ZNF385D: variants seen among roughly 807,000 people sequenced by gnomAD.
ZNF385D encodes zinc finger protein 659.
A neutral mutation model predicts 35.8 loss-of-function variants in ZNF385D; 15 were observed. The observed-to-expected ratio is 0.42, with a 90% CI of 0.28 to 0.64. ZNF385D has a LOEUF of 0.64. Ranked by LOEUF, ZNF385D falls within the 30% of genes least tolerant of loss-of-function variation. The pLI is 0.23. For missense variants in ZNF385D, 474 were observed against 494.6 expected, an observed-to-expected ratio of 0.96 and a Z score of 0.39; for synonymous variants, 212 against 186.8, an observed-to-expected ratio of 1.13 and a Z score of -1.10.
intron 2 of ZNF385D, among the ~76,000 whole-genome samples, chr3:22,358,930 T>C (rs775875083): frequency 1.3e-4 from 20 of 151,476 alleles, no homozygotes; most frequent in Non-Finnish European, 1.9e-4. Context: ...TGTCTAGATA[T>C]CATAACCCTA....
In ZNF385D at chr3:22,338,698, A is replaced by ATTTT. The variant is rs562729331; in HGVS notation, c.106+33748_106+33751dup. Among the ~76,000 whole-genome samples, 180 of 125,410 alleles carry ATTTT rather than the reference A, an allele frequency of 1.4e-3. 2 individuals are homozygous for ATTTT. The highest frequency in any genetic ancestry group is 5.3e-3 in the African/African-American group (170 of 31,808). 82.3% of individuals were successfully genotyped at this position (125,410 alleles called of 152,430 possible). A position where few individuals can be genotyped will look rare whatever the true frequency, so the allele number is the denominator to read the frequency against. Reference sequence around the variant, plus strand: ...ATGTGCAGCAAAACATATTCATCTCATTTTTTTTTTTTTTTTTTTTGAAGT... The same window carrying ATTTT: ...ATGTGCAGCAAAACATATTCATCTCATTTTTTTTTTTTTTTTTTTTTTTTGAAGT... On this transcript the variant is annotated intron_variant, in intron 2 of 5. Transcript: ENST00000494108.
chr3:21,938,217 C>G (rs1575960769), intron 3 of ZNF385D, among the ~76,000 whole-genome samples: 1 of 152,250 alleles, frequency 6.6e-6, no homozygotes, highest in Non-Finnish European at 1.5e-5. Context: ...TAGGTTTTGA[C>G]CCTATAGTTA....
At chr3:22,186,823 T>C (rs1271952596) in intron 2 of ZNF385D, among the ~76,000 whole-genome samples, 1 of 152,190 alleles carries the variant, frequency 6.6e-6, no homozygotes, top group African/African-American at 2.4e-5. Context: ...CATAATCAAC[T>C]GGTATTTTAT....
At position 22,341,998 on chromosome 3, in the gene ZNF385D, G is replaced by A. The variant is rs978954637; in HGVS notation, c.106+30452C>T. On this transcript the variant is annotated intron_variant, in intron 2 of 5. Transcript: ENST00000494108. Reference sequence around the variant, plus strand: ...ATGAATTAAAAGACTGAATGAGGCCGGGCGCGGTGGCTCACGTCTGTAATC... The same window carrying A: ...ATGAATTAAAAGACTGAATGAGGCCAGGCGCGGTGGCTCACGTCTGTAATC... Among the ~76,000 whole-genome samples, 12 of 152,192 alleles carry A rather than the reference G, an allele frequency of 7.9e-5. No homozygotes were observed. In the South Asian group the frequency reaches 1.0e-3, roughly 13 times the overall value.
chr3:22,279,129 G>A (rs1217160333), intron 2 of ZNF385D, among the ~76,000 whole-genome samples: 1 of 151,912 alleles, frequency 6.6e-6, no homozygotes, highest in East Asian at 1.9e-4. Flanking sequence ...ATTTCAATAG[G>A]TTTTGGGGGA....
Position 21,418,797 on chromosome 3 carries a change from T to A in ZNF385D, c.*2417A>T, listed in dbSNP as rs1252199653. On this transcript the variant is annotated 3_prime_UTR_variant, in exon 8 of 8. Coordinates refer to ENST00000281523, the MANE Select transcript of ZNF385D (RefSeq NM_024697.3). ...AGTGAGGCTGTATCAGTTGTAAAGG[T>A]TGTTGGATAGGGACTCAGGATGATT... 6.6e-6 allele frequency: 1 copy of A among 152,150 alleles called. No homozygotes were observed. The highest frequency in any genetic ancestry group is 2.4e-5 in the African/African-American group (1 of 41,444). 9.4% of individuals were successfully genotyped at this position (152,150 alleles called of 1,614,324 possible). A position where few individuals can be genotyped will look rare whatever the true frequency, so the allele number is the denominator to read the frequency against.
intron 3 of ZNF385D, among the ~76,000 whole-genome samples, chr3:21,971,604 C>T (rs1703261722): frequency 6.6e-6 from 1 of 151,362 alleles, no homozygotes; most frequent in African/African-American, 2.4e-5. Flanking sequence ...AAGAGTAAGT[C>T]CTTACTCATC....
chr3:22,031,817 A>G (rs1446204321), intron 3 of ZNF385D, among the ~76,000 whole-genome samples: 7 of 152,148 alleles, frequency 4.6e-5, no homozygotes, highest in Non-Finnish European at 1.0e-4. Context: ...CCAAACTTTT[A>G]TGTTCTGCTT....
intron 2 of ZNF385D, among the ~76,000 whole-genome samples, chr3:21,585,731 G>T (rs976603604): frequency 6.6e-6 from 1 of 152,068 alleles, no homozygotes; most frequent in African/African-American, 2.4e-5. Context: ...TGCATAACAC[G>T]CCTTGGCAAA....
chr3:22,248,097 A>C (rs1699883614), intron 2 of ZNF385D, among the ~76,000 whole-genome samples: 2 of 152,192 alleles, frequency 1.3e-5, no homozygotes, highest in Non-Finnish European at 2.9e-5. Flanking sequence ...TTCATGAACT[A>C]CACAACCTTG....
intron 3 of ZNF385D, among the ~76,000 whole-genome samples, chr3:21,897,056 T>A (rs1042126824): frequency 1.3e-5 from 2 of 152,152 alleles, no homozygotes; most frequent in African/African-American, 4.8e-5. Context: ...CTGCTGACGT[T>A]ATCACCCAAG....
At chr3:21,704,109 A>C (rs914787829) in intron 1 of ZNF385D, among the ~76,000 whole-genome samples, 2 of 152,208 alleles carry the variant, frequency 1.3e-5, no homozygotes, top group Admixed American at 1.3e-4. Context: ...GACAAAACAC[A>C]TATTTGGAAG....
intron 3 of ZNF385D, among the ~76,000 whole-genome samples, chr3:22,096,119 G>T (rs796623): frequency 0.11 from 15,884 of 151,014 alleles, 1,050 homozygotes; most frequent in Middle Eastern, 0.19. Context: ...TTCATATAAG[G>T]TAAAAAAAAT....
At chr3:21,821,174 CA>C (rs1694198803) in intron 3 of ZNF385D, among the ~76,000 whole-genome samples, 1 of 151,146 alleles carries the variant, frequency 6.6e-6, no homozygotes, top group African/African-American at 2.4e-5. Flanking sequence ...TTTTATGAGA[CA>C]AGAATAGTAG....
At chr3:22,126,681 G>T (rs993126286) in intron 3 of ZNF385D, among the ~76,000 whole-genome samples, 5 of 152,084 alleles carry the variant, frequency 3.3e-5, no homozygotes, top group Non-Finnish European at 5.9e-5. Flanking sequence ...ATGTTCTGTA[G>T]ATATATATTA....
chr3:21,690,055 A>T lies in ZNF385D; in HGVS notation c.23-25027T>A, dbSNP rs116388596. ...TAAAATGTATGGCATGGATTTTATT[A>T]AAAAATCCTTTATTCTAGCCGTAAA... On this transcript the variant is annotated intron_variant, in intron 1 of 7. Coordinates refer to ENST00000281523, the MANE Select transcript of ZNF385D (RefSeq NM_024697.3). Among the ~76,000 whole-genome samples, 1,302 of 152,268 alleles carry T rather than the reference A, an allele frequency of 8.6e-3. 15 individuals carry two copies. Among genetic ancestry groups the T allele is most frequent in the African/African-American group, 0.029 (1,222 of 41,552 alleles).
chr3:21,554,752 C>CT (rs1229047220), intron 3 of ZNF385D, among the ~76,000 whole-genome samples: 1 of 152,182 alleles, frequency 6.6e-6, no homozygotes, highest in Non-Finnish European at 1.5e-5. Context: ...TACATCAGCA[C>CT]TTGCAGCTTC....
chr3:22,220,481 C>T (rs994771695), intron 2 of ZNF385D, among the ~76,000 whole-genome samples: 5 of 152,144 alleles, frequency 3.3e-5, no homozygotes, highest in South Asian at 2.1e-4. Context: ...GGTTTAAAAA[C>T]GTCAGTGGAA....
At chr3:22,094,172 T>C (rs1701476848) in intron 3 of ZNF385D, among the ~76,000 whole-genome samples, 3 of 151,846 alleles carry the variant, frequency 2.0e-5, no homozygotes, top group South Asian at 4.1e-4. Context: ...AATTTTCCTT[T>C]CTACCAATTA....
Sources: allele counts gnomAD v4.1 joint callset (sites outside exome capture counted in the v4.1 genomes callset), GRCh38; gene constraint gnomAD v4.1.1; transcripts MANE v1.5; gene names NCBI Gene and HGNC (gene_info 2026-07-23, HGNC 2026-07-21).